Variants in PGAP4 observed in about 807,000 individuals in gnomAD.
PGAP4 encodes post-GPI attachment to proteins GalNAc transferase 4, also known as GPI-N-acetylgalactosamine transferase PGAP4.
PGAP4 carries 12 observed loss-of-function variants against 28.2 expected under a neutral mutation model. That is an observed-to-expected ratio of 0.42 (90% confidence interval 0.27 to 0.69). PGAP4 has a LOEUF of 0.69. Among genes scored for constraint, PGAP4 ranks in the 30% least tolerant of loss-of-function variants. The pLI, the probability that PGAP4 is intolerant of heterozygous loss-of-function variation, is 0.22. For synonymous variants in PGAP4, 205 were observed against 211.8 expected, an observed-to-expected ratio of 0.97 and a Z score of 0.28; for missense variants, 425 against 513.5, an observed-to-expected ratio of 0.83 and a Z score of 1.67.
intron 2 of PGAP4, among the ~76,000 whole-genome samples, chr9:101,505,701 T>C (rs777847596): frequency 2.6e-5 from 4 of 152,086 alleles, no homozygotes; most frequent in Non-Finnish European, 4.4e-5. Context: ...CCTAGGGCTA[T>C]AGTTAAAGAA....
At chr9:101,511,122 G>A (rs556770503) in intron 2 of PGAP4, among the ~76,000 whole-genome samples, 2 of 152,162 alleles carry the variant, frequency 1.3e-5, no homozygotes, top group Non-Finnish European at 2.9e-5. Context: ...CCTCACATGT[G>A]CAGTTCACAA....
At chr9:101,524,018 G>T (rs1443844334) in intron 2 of PGAP4, among the ~76,000 whole-genome samples, 1 of 151,750 alleles carries the variant, frequency 6.6e-6, no homozygotes, top group Non-Finnish European at 1.5e-5. Flanking sequence ...CTGGGTCTAG[G>T]CACCCAGCGA....
Position 101,486,887 on chromosome 9 carries a change from T to C in PGAP4, c.-78+62A>G, listed in dbSNP as rs1300487840. On this transcript the variant is annotated intron_variant, in intron 1 of 1. Coordinates refer to ENST00000374848, the MANE Select transcript of PGAP4 (RefSeq NM_032342.3). The surrounding 1 kb of genome is among the most constrained non-coding windows in gnomAD (Gnocchi z 4.7). ...CCTAATCCTTGTCCCCTCGCTCTAG[T>C]GTCCAGGGCTCCGACCACCGCGCCA... 1 of 152,570 alleles carries C rather than the reference T, an allele frequency of 6.6e-6. No individual in the cohort carries two copies. Among genetic ancestry groups the C allele is most frequent in the African/African-American group, 2.4e-5 (1 of 41,468 alleles). The allele number at this position is 152,570 out of a possible 1,614,324, so 9.5% of individuals were successfully genotyped here. A position where few individuals can be genotyped will look rare whatever the true frequency, so the allele number is the denominator to read the frequency against.
chr9:101,492,626 A>G (rs1025300219), intron 2 of PGAP4, among the ~76,000 whole-genome samples: 2 of 151,848 alleles, frequency 1.3e-5, no homozygotes, highest in Non-Finnish European at 2.9e-5. Context: ...AGGCAGTTTG[A>G]CTTGCCTGGT....
upstream of PGAP4, among the ~76,000 whole-genome samples, chr9:101,488,116 C>CGGGG (rs1826651118): frequency 6.6e-6 from 1 of 152,150 alleles, no homozygotes; most frequent in African/African-American, 2.4e-5. Flanking sequence ...CCCACCTGAG[C>CGGGG]CCCCATTCAT....
chr9:101,483,220 G>A lies in PGAP4; in HGVS notation c.-78+3729C>T, dbSNP rs1826535276. ...TCAATGCTTGTTAAGCAAATAATTGGCTTCTTTTGACCTCTATGGGTCTCA... is the reference window on the plus strand; with the variant it reads ...TCAATGCTTGTTAAGCAAATAATTGACTTCTTTTGACCTCTATGGGTCTCA... On this transcript the variant is annotated intron_variant, in intron 1 of 1. Transcript: ENST00000374848. 2.0e-5 allele frequency among the ~76,000 whole-genome samples: 3 copies of A among 152,110 alleles called. No homozygotes were observed. The South Asian group carries it at 6.2e-4, about 32-fold the overall frequency.
chr9:101,489,360 C>T (rs2118568755), upstream of PGAP4, among the ~76,000 whole-genome samples: 1 of 152,124 alleles, frequency 6.6e-6, no homozygotes, highest in South Asian at 2.1e-4. Context: ...TAACACACTA[C>T]AACAGGATAA....
intron 2 of PGAP4, among the ~76,000 whole-genome samples, chr9:101,495,230 T>G (rs1365268152): frequency 1.4e-5 from 1 of 71,008 alleles, no homozygotes; most frequent in Non-Finnish European, 2.6e-5. Context: ...ATATTATATA[T>G]ATTTTATATA....
At chr9:101,489,491 A>T (rs1048030887), upstream of PGAP4, among the ~76,000 whole-genome samples, 1 of 152,196 alleles carries the variant, frequency 6.6e-6, no homozygotes, top group Non-Finnish European at 1.5e-5. Context: ...CTGATGAGCA[A>T]AGTAAGGAAA....
At chr9:101,518,119 G>A (rs1325259129) in intron 2 of PGAP4, among the ~76,000 whole-genome samples, 1 of 152,076 alleles carries the variant, frequency 6.6e-6, no homozygotes, top group Non-Finnish European at 1.5e-5. Flanking sequence ...CCACTTATAA[G>A]TGAGAATATG....
At chr9:101,477,671 T>G (rs1826366955) in intron 1 of PGAP4, among the ~76,000 whole-genome samples, 1 of 152,246 alleles carries the variant, frequency 6.6e-6, no homozygotes, top group African/African-American at 2.4e-5. Flanking sequence ...AGAGAAGGAA[T>G]ACTTAGGATT....
At chr9:101,531,984 T>G (rs1275616093) in intron 1 of PGAP4, among the ~76,000 whole-genome samples, 3 of 152,232 alleles carry the variant, frequency 2.0e-5, no homozygotes, top group African/African-American at 7.2e-5. Context: ...GCGTGGTGGC[T>G]CATTGCCAGT....
intron 2 of PGAP4, among the ~76,000 whole-genome samples, chr9:101,524,166 T>C (rs1827012689): frequency 6.6e-6 from 1 of 150,998 alleles, no homozygotes; most frequent in African/African-American, 2.4e-5. Flanking sequence ...ATGGACTCCG[T>C]GAGGGTCCTT....
chr9:101,522,004 C>A (rs1300801871), intron 2 of PGAP4, among the ~76,000 whole-genome samples: 1 of 152,002 alleles, frequency 6.6e-6, no homozygotes, highest in Non-Finnish European at 1.5e-5. Flanking sequence ...ATTTAATTTC[C>A]ATGTATTTGC....
chr9:101,492,486 C>T (rs1318643682), intron 2 of PGAP4, among the ~76,000 whole-genome samples: 2 of 152,188 alleles, frequency 1.3e-5, no homozygotes. Flanking sequence ...AACATAGCAT[C>T]TCTAGCATTC....
At chr9:101,513,467 C>T (rs1240115933) in intron 2 of PGAP4, among the ~76,000 whole-genome samples, 1 of 152,142 alleles carries the variant, frequency 6.6e-6, no homozygotes, top group African/African-American at 2.4e-5. Context: ...CCTGTCACTC[C>T]ACACACTTGA....
intron 2 of PGAP4, among the ~76,000 whole-genome samples, chr9:101,520,243 G>T (rs1252384532): frequency 6.6e-6 from 1 of 152,072 alleles, no homozygotes; most frequent in Non-Finnish European, 1.5e-5. Context: ...TTCTAATTCT[G>T]TGAAGAATGA....
chr9:101,519,454 T>C (rs1351627217), intron 2 of PGAP4, among the ~76,000 whole-genome samples: 1 of 152,092 alleles, frequency 6.6e-6, no homozygotes, highest in Non-Finnish European at 1.5e-5. Flanking sequence ...CCACCATTCC[T>C]GGCCATGTTT....
chr9:101,532,011 T>G (rs1827095732), intron 1 of PGAP4, among the ~76,000 whole-genome samples: 1 of 152,222 alleles, frequency 6.6e-6, no homozygotes, highest in Non-Finnish European at 1.5e-5. Context: ...GGCTCAGGCC[T>G]GTAATCTCAG....
Sources: gnomAD v4.1 joint callset for allele counts (sites outside exome capture counted in the v4.1 genomes callset) on GRCh38, gnomAD v4.1.1 for gene constraint, Gnocchi (gnomAD v3.1) non-coding constraint, MANE v1.5 for transcripts, NCBI Gene and HGNC (gene_info 2026-07-23, HGNC 2026-07-21) for gene names.